WWOX: variants seen among roughly 807,000 people sequenced by gnomAD.
WWOX encodes WW domain-containing oxidoreductase.
In WWOX, 69 loss-of-function variants were observed where a neutral mutation model predicts 46.2. The observed-to-expected ratio is 1.49, with a 90% CI of 1.23 to 1.82. WWOX has a LOEUF of 1.82. Among genes scored for constraint, WWOX ranks in the 40% most tolerant of loss-of-function variants. The pLI is 0.00. For synonymous variants in WWOX, 359 were observed against 202.6 expected (o/e 1.77, Z -6.56); for missense variants, 919 against 542.6 (o/e 1.69, Z -6.89).
intron 8 of WWOX, among the ~76,000 whole-genome samples, chr16:79,053,514 A>G (rs1315575395): frequency 6.6e-6 from 1 of 152,240 alleles, no homozygotes; most frequent in Non-Finnish European, 1.5e-5. Flanking sequence ...ATGTGTTGCT[A>G]CGGCTTGACT....
At position 78,797,979 on chromosome 16, in the gene WWOX, C is replaced by T. The variant is rs577255762; in HGVS notation, c.1056+365227C>T. On this transcript the variant is annotated intron_variant, in intron 8 of 8. Transcript: ENST00000566780. The stretch of plus-strand genomic sequence containing the variant: ...CTCAACCCTGGGTGACAGGGTGAGA[C>T]CCTGTCTCTAAAAACAAAAGCAAAG... Among the ~76,000 whole-genome samples, 30 of 152,250 alleles carry T rather than the reference C, an allele frequency of 2.0e-4. No individual in the cohort carries two copies. The East Asian group carries it at 5.6e-3, about 28-fold the overall frequency.
At position 78,530,469 on chromosome 16, in the gene WWOX, G is replaced by C. The variant is rs1474515670; in HGVS notation, c.1056+97717G>C. On this transcript the variant is annotated intron_variant, in intron 8 of 8. Coordinates refer to ENST00000566780, the MANE Select transcript of WWOX (RefSeq NM_016373.4). ...TTTTCCCCTGGAGCTATGCCATCAA[G>C]CTGTTCTTCTGAAGTCCAGCCGCTT... Among the ~76,000 whole-genome samples the C allele has an allele frequency of 2.0e-5, 3 of 152,306 alleles. No homozygotes were observed. The East Asian group carries it at 5.8e-4, about 29-fold the overall frequency.
At chr16:78,566,469 TCTC>T (rs2044570464) in intron 8 of WWOX, among the ~76,000 whole-genome samples, 1 of 152,194 alleles carries the variant, frequency 6.6e-6, no homozygotes, top group Non-Finnish European at 1.5e-5. Context: ...GCCTGTGGCT[TCTC>T]CTCCCTGATT....
intron 8 of WWOX, among the ~76,000 whole-genome samples, chr16:78,743,661 C>A (rs553030379): frequency 6.6e-6 from 1 of 152,212 alleles, no homozygotes; most frequent in East Asian, 1.9e-4. Flanking sequence ...TGAAAGTACC[C>A]CTGATTGGTT....
intron 8 of WWOX, among the ~76,000 whole-genome samples, chr16:78,714,557 A>G (rs2048519480): frequency 6.6e-6 from 1 of 152,220 alleles, no homozygotes; most frequent in African/African-American, 2.4e-5. Context: ...CTTGGCAGCC[A>G]TCTATATTCA....
At position 78,916,275 on chromosome 16, in the gene WWOX, G is replaced by T. The variant is rs143468533; in HGVS notation, c.1057-295333G>T. Among the ~76,000 whole-genome samples the T allele has an allele frequency of 3.3e-3, 506 of 152,248 alleles. 4 individuals are homozygous for T. The highest frequency in any genetic ancestry group is 0.012 in the African/African-American group (478 of 41,526). On this transcript the variant is annotated intron_variant, in intron 8 of 8. Coordinates refer to ENST00000566780, the MANE Select transcript of WWOX (RefSeq NM_016373.4). ...TTTTAATCAGCGCTTTCTACTGCAGGGGGTATGATGGATGGAGACCCTGTT... is the reference window on the plus strand; with the variant it reads ...TTTTAATCAGCGCTTTCTACTGCAGTGGGTATGATGGATGGAGACCCTGTT...
At chr16:78,275,709 A>T (rs540468254) in intron 5 of WWOX, among the ~76,000 whole-genome samples, 3 of 152,326 alleles carry the variant, frequency 2.0e-5, no homozygotes, top group Non-Finnish European at 4.4e-5. Flanking sequence ...GGCCAGATTA[A>T]GCAGATTGTC....
At chr16:78,850,558 T>A (rs755218262) in intron 8 of WWOX, among the ~76,000 whole-genome samples, 5 of 152,210 alleles carry the variant, frequency 3.3e-5, no homozygotes, top group Non-Finnish European at 5.9e-5. Flanking sequence ...TATAATGCTG[T>A]TTAGTCCCCT....
At position 78,708,718 on chromosome 16, in the gene WWOX, C is replaced by T. The variant is rs116346070; in HGVS notation, c.1056+275966C>T. Among the ~76,000 whole-genome samples the T allele has an allele frequency of 7.9e-3, 1,208 of 152,202 alleles. 23 individuals carry two copies. The highest frequency in any genetic ancestry group is 0.028 in the African/African-American group (1,153 of 41,526). On this transcript the variant is annotated intron_variant, in intron 8 of 8. Transcript: ENST00000566780. ...GCCTCCAAGTGCGTTTATTATTGTC[C>T]GCACTCCAAAATGGCTTTAAAAAAT...
At chr16:78,290,205 C>G (rs1234360416) in intron 5 of WWOX, among the ~76,000 whole-genome samples, 2 of 152,138 alleles carry the variant, frequency 1.3e-5, no homozygotes, top group East Asian at 1.9e-4. Flanking sequence ...ACAAAACTCA[C>G]TTGGCAACAT....
chr16:78,628,428 G>A (rs768817635), intron 8 of WWOX, among the ~76,000 whole-genome samples: 22 of 152,140 alleles, frequency 1.4e-4, no homozygotes, highest in Non-Finnish European at 2.6e-4. Context: ...TGTGGGTGCC[G>A]AGAATCAGTA....
intron 8 of WWOX, among the ~76,000 whole-genome samples, chr16:78,606,283 T>G (rs1011796527): frequency 6.6e-6 from 1 of 152,204 alleles, no homozygotes; most frequent in African/African-American, 2.4e-5. Flanking sequence ...TTAAAAAGTT[T>G]AGCACATTTA....
intron 8 of WWOX, among the ~76,000 whole-genome samples, chr16:78,944,293 C>A (rs1166829813): frequency 6.6e-6 from 1 of 152,132 alleles, no homozygotes; most frequent in Non-Finnish European, 1.5e-5. Context: ...ATCTTTCAGC[C>A]TCTACCACAT....
intron 8 of WWOX, among the ~76,000 whole-genome samples, chr16:78,632,836 C>A (rs1423204946): frequency 6.6e-6 from 1 of 151,974 alleles, no homozygotes; most frequent in Non-Finnish European, 1.5e-5. Flanking sequence ...GGGGTTGCAG[C>A]TGTGAGCCAC....
chr16:78,903,671 C>G (rs914748476), intron 8 of WWOX, among the ~76,000 whole-genome samples: 1 of 152,138 alleles, frequency 6.6e-6, no homozygotes, highest in Non-Finnish European at 1.5e-5. Flanking sequence ...ATTCTATTCC[C>G]CAGCCTCACT....
rs545062752 is a variant in WWOX, at chr16:78,632,557, A to ATTTTTTTTTTTTT, written c.1056+199814_1056+199826dup. Among the ~76,000 whole-genome samples the ATTTTTTTTTTTTT allele has an allele frequency of 7.6e-3, 565 of 74,726 alleles. 82 individuals carry two copies. The highest frequency in any genetic ancestry group is 0.012 in the African/African-American group (207 of 17,964). 49.0% of individuals were successfully genotyped at this position (74,726 alleles called of 152,430 possible). A position where few individuals can be genotyped will look rare whatever the true frequency, so the allele number is the denominator to read the frequency against. ...CTCTCTTCCCCCACTTACTTGGCCA[A>ATTTTTTTTTTTTT]TTTTTTTTTTTTTTTTTTTTTGGTG... On this transcript the variant is annotated intron_variant, in intron 8 of 8. Transcript: ENST00000566780.
At chr16:78,226,652 G>A (rs1705677786) in intron 5 of WWOX, among the ~76,000 whole-genome samples, 1 of 151,600 alleles carries the variant, frequency 6.6e-6, no homozygotes, top group East Asian at 1.9e-4. Flanking sequence ...TGCCATTCTT[G>A]TGGAGAATAA....
intron 8 of WWOX, among the ~76,000 whole-genome samples, chr16:79,094,327 C>G (rs763979134): frequency 6.6e-6 from 1 of 151,046 alleles, no homozygotes; most frequent in South Asian, 2.1e-4. Flanking sequence ...GATCTCGGCT[C>G]GCTGCAAACT....
intron 8 of WWOX, among the ~76,000 whole-genome samples, chr16:78,935,371 T>C (rs139358316): frequency 0.016 from 2,366 of 152,168 alleles, 27 homozygotes; most frequent in South Asian, 0.027. Context: ...TCATCAATGA[T>C]AGACTGGATT....
Sources: gnomAD v4.1 joint callset for allele counts (sites outside exome capture counted in the v4.1 genomes callset) on GRCh38, gnomAD v4.1.1 for gene constraint, MANE v1.5 for transcripts, NCBI Gene and HGNC (gene_info 2026-07-23, HGNC 2026-07-21) for gene names.